HVCN1: variants seen among roughly 807,000 people sequenced by gnomAD.
HVCN1 encodes the protein hydrogen voltage gated channel 1.
In HVCN1, 14 loss-of-function variants were observed where a neutral mutation model predicts 29.2. The ratio of observed to expected loss-of-function variants is 0.48; its 90% confidence interval spans 0.32 to 0.75. The LOEUF (loss-of-function observed/expected upper bound fraction) is 0.75. Among genes scored for constraint, HVCN1 ranks in the 30% least tolerant of loss-of-function variants. The probability of loss-of-function intolerance (pLI) is 0.04; values close to 1 mark genes in which losing one functional copy is unlikely to be tolerated. For missense variants in HVCN1, 263 were observed against 341.8 expected (o/e 0.77, Z 1.82); for synonymous variants, 131 against 133.2 (o/e 0.98, Z 0.11).
intron 2 of HVCN1, among the ~76,000 whole-genome samples, chr12:110,698,642 G>C (rs1334585853): frequency 7.9e-5 from 12 of 152,146 alleles, no homozygotes; most frequent in Non-Finnish European, 1.8e-4. Flanking sequence ...CTCTGGCCAG[G>C]GGGACCCGAG....
rs187977739 is a variant in HVCN1, at chr12:110,686,206, C to T, written c.-20+2419G>A. Reference sequence around the variant, plus strand: ...TTTTAGTAGAGACGGGGTTTTGCCACGTTAGCCAGGCTGGTCTCAGACTCC... The same window carrying T: ...TTTTAGTAGAGACGGGGTTTTGCCATGTTAGCCAGGCTGGTCTCAGACTCC... On this transcript the variant is annotated intron_variant, in intron 2 of 7. Transcript: ENST00000242607. Among the ~76,000 whole-genome samples, 13 of 150,738 alleles carry T rather than the reference C, an allele frequency of 8.6e-5. No individual in the cohort carries two copies. The East Asian group carries it at 1.4e-3, about 16-fold the overall frequency.
At chr12:110,683,996 T>C (rs1484676562) in intron 2 of HVCN1, among the ~76,000 whole-genome samples, 3 of 150,060 alleles carry the variant, frequency 2.0e-5, no homozygotes, top group African/African-American at 7.4e-5. Context: ...AAAGATACCA[T>C]GCTAAGTGAA....
chr12:110,704,170 A>G (rs1241225270), intron 1 of HVCN1, among the ~76,000 whole-genome samples: 1 of 152,288 alleles, frequency 6.6e-6, no homozygotes, highest in East Asian at 1.9e-4. Context: ...AACAAGGGCA[A>G]ACAACCTAAA....
At chr12:110,683,926 GGAAAAAAAAAA>G (rs1566061535) in intron 2 of HVCN1, among the ~76,000 whole-genome samples, 1 of 105,802 alleles carries the variant, frequency 9.5e-6, no homozygotes. Context: ...AAAAAAAAAA[GGAAAAAAAAAA>G]AGAGAGAGAA....
At chr12:110,693,782 T>TG (rs1171988706), upstream of HVCN1, among the ~76,000 whole-genome samples, 3 of 152,244 alleles carry the variant, frequency 2.0e-5, no homozygotes, top group African/African-American at 7.2e-5. Flanking sequence ...GCAAGATAGC[T>TG]GGCATCATTT....
At chr12:110,683,354 T>C in intron 2 of HVCN1, 90 bp from the exon 3 acceptor site, 2 of 1,450,322 alleles carry the variant, frequency 1.4e-6, no homozygotes, top group Non-Finnish European at 1.8e-6. Flanking sequence ...ACAAATTAGT[T>C]TTAAGTTAGT....
intron 2 of HVCN1, among the ~76,000 whole-genome samples, chr12:110,686,937 A>T (rs1038084253): frequency 6.6e-6 from 1 of 152,208 alleles, no homozygotes; most frequent in East Asian, 1.9e-4. Flanking sequence ...TAAAACCTGG[A>T]AGTGGCCCTC....
chr12:110,701,582 C>T (rs1477626912), intron 2 of HVCN1, among the ~76,000 whole-genome samples: 1 of 152,140 alleles, frequency 6.6e-6, no homozygotes, highest in Non-Finnish European at 1.5e-5. Context: ...CTGAGCTGGG[C>T]GAGGTGGCTC....
chr12:110,651,196 C>T (rs1316577726), intron 6 of HVCN1, 21 bp downstream of exon 6: 1 of 1,564,538 alleles, frequency 6.4e-7, no homozygotes, highest in South Asian at 1.1e-5. Context: ...CATCCACAGC[C>T]TGGGAGTGCA....
intron 1 of HVCN1, among the ~76,000 whole-genome samples, chr12:110,703,694 T>C (rs909211729): frequency 6.6e-6 from 1 of 150,790 alleles, no homozygotes; most frequent in African/African-American, 2.4e-5. Context: ...GCCTCTCTCT[T>C]TTTTTTTTGA....
Position 110,676,290 on chromosome 12 carries a change from CCTG to C in HVCN1, c.21+6932_21+6934del, listed in dbSNP as rs2068749476. 6.6e-6 allele frequency among the ~76,000 whole-genome samples: 1 copy of C among 152,234 alleles called. No homozygotes were observed. The highest frequency in any genetic ancestry group is 2.1e-4 in the South Asian group (1 of 4,834). On this transcript the variant is annotated intron_variant, in intron 3 of 7. Coordinates refer to ENST00000242607, the MANE Select transcript of HVCN1 (RefSeq NM_032369.4). The surrounding 1 kb of genome is among the most constrained non-coding windows in gnomAD (Gnocchi z 4.1). The stretch of plus-strand genomic sequence containing the variant: ...GCAGCTCCTCTCTGCTCTCTCCTTC[CCTG>C]CTGCATTCTCCATCAGCTGCAGGAG...
At chr12:110,696,045 C>A (rs1298321871) in intron 2 of HVCN1, among the ~76,000 whole-genome samples, 2 of 151,604 alleles carry the variant, frequency 1.3e-5, no homozygotes, top group African/African-American at 4.9e-5. Flanking sequence ...CTCTGCCTCC[C>A]AGGTTCAAGC....
rs375368412 is a variant in HVCN1 at position 110,687,265 on chromosome 12, C to T, written c.-20+1360G>A. Reference sequence around the variant, plus strand: ...TATACAAGACAGACCACACCCCCCCCCCCCAGCTAAGCACTGGGAAGCCAG... The same window carrying T: ...TATACAAGACAGACCACACCCCCCCTCCCCAGCTAAGCACTGGGAAGCCAG... On this transcript the variant is annotated intron_variant, in intron 2 of 7. Coordinates refer to ENST00000242607, the MANE Select transcript of HVCN1 (RefSeq NM_032369.4). 3.2e-3 allele frequency among the ~76,000 whole-genome samples: 476 copies of T among 150,416 alleles called. 12 individuals are homozygous for T. The highest frequency in any genetic ancestry group is 0.011 in the African/African-American group (461 of 41,000).
rs534701888 is a variant in HVCN1, at chr12:110,669,066, C to T, written c.22-7618G>A. On this transcript the variant is annotated intron_variant, in intron 3 of 7. Coordinates refer to ENST00000242607, the MANE Select transcript of HVCN1 (RefSeq NM_032369.4). ...TCACGTTCAAATCAAAGACTCCAGT[C>T]TGATGTTCAAGATCCTGCTGGGTCA... Among the ~76,000 whole-genome samples the T allele has an allele frequency of 2.5e-4, 38 of 152,130 alleles. 1 individual carries two copies. The South Asian group carries it at 7.9e-3, about 32-fold the overall frequency.
chr12:110,687,030 G>C (rs1009458442), intron 2 of HVCN1, among the ~76,000 whole-genome samples: 5 of 152,142 alleles, frequency 3.3e-5, no homozygotes, highest in African/African-American at 9.7e-5. Flanking sequence ...ATGTAGAAAC[G>C]GGAGAAAAAA....
intron 2 of HVCN1, among the ~76,000 whole-genome samples, chr12:110,686,611 C>T (rs747043879): frequency 3.3e-5 from 5 of 152,134 alleles, no homozygotes; most frequent in Non-Finnish European, 7.4e-5. Flanking sequence ...CTAGCACACA[C>T]GCAGAGGAAC....
chr12:110,669,263 C>G (rs139468950), intron 3 of HVCN1, among the ~76,000 whole-genome samples: 2 of 152,092 alleles, frequency 1.3e-5, no homozygotes, highest in Non-Finnish European at 1.5e-5. Flanking sequence ...ACTTCCTGAA[C>G]CTGGCTGGCA....
At chr12:110,654,031 G>A (rs113193003) in intron 5 of HVCN1, among the ~76,000 whole-genome samples, 31 of 152,130 alleles carry the variant, frequency 2.0e-4, no homozygotes, top group African/African-American at 7.0e-4. Context: ...CCGTGGGGAT[G>A]TATAGTGACA....
intron 2 of HVCN1, among the ~76,000 whole-genome samples, chr12:110,699,685 C>T (rs1231139099): frequency 6.6e-6 from 1 of 152,076 alleles, no homozygotes; most frequent in Non-Finnish European, 1.5e-5. Context: ...GGGGAGATAA[C>T]AGCGCCGCTG....
Sources: allele counts gnomAD v4.1 joint callset (sites outside exome capture counted in the v4.1 genomes callset), GRCh38; gene constraint gnomAD v4.1.1; non-coding constraint Gnocchi (gnomAD v3.1); transcripts MANE v1.5; gene names NCBI Gene and HGNC (gene_info 2026-07-23, HGNC 2026-07-21).